Variants in RAMP1 observed in about 807,000 individuals in gnomAD.
RAMP1 encodes receptor activity modifying protein 1, also known as receptor activity-modifying protein 1.
A neutral mutation model predicts 8.2 loss-of-function variants in RAMP1; 7 were observed. The ratio of observed to expected loss-of-function variants is 0.85; its 90% confidence interval spans 0.49 to 1.60. The LOEUF is 1.60. Among genes scored for constraint, RAMP1 ranks in the 40% most tolerant of loss-of-function variants. RAMP1 has a pLI of 0.00. For synonymous variants in RAMP1, 92 were observed against 84.7 expected, an observed-to-expected ratio of 1.09 and a Z score of -0.47; for missense variants, 192 against 202.4, an observed-to-expected ratio of 0.95 and a Z score of 0.31.
At chr2:237,875,909 G>T (rs1398729495) in intron 1 of RAMP1, among the ~76,000 whole-genome samples, 2 of 151,950 alleles carry the variant, frequency 1.3e-5, no homozygotes, top group Non-Finnish European at 2.9e-5. Context: ...GCCATTCCCT[G>T]TACTTCCTGC....
At chr2:237,906,528 TTAAATA>T (rs1328002255) in intron 2 of RAMP1, among the ~76,000 whole-genome samples, 7 of 152,144 alleles carry the variant, frequency 4.6e-5, no homozygotes, top group Non-Finnish European at 1.0e-4. Context: ...ACTTTCTAGA[TTAAATA>T]TAAGGAAAAG....
chr2:237,896,426 A>G (rs1296700556), intron 2 of RAMP1, among the ~76,000 whole-genome samples: 1 of 152,164 alleles, frequency 6.6e-6, no homozygotes, highest in Non-Finnish European at 1.5e-5. Context: ...CCACCATAGC[A>G]GGAGAAGGGG....
intron 2 of RAMP1, among the ~76,000 whole-genome samples, chr2:237,886,944 C>T (rs1052486066): frequency 6.6e-6 from 1 of 152,190 alleles, no homozygotes; most frequent in Non-Finnish European, 1.5e-5. Context: ...TGTGGACACT[C>T]GACTACAGCA....
At chr2:237,874,279 C>A (rs1289922089) in intron 1 of RAMP1, among the ~76,000 whole-genome samples, 1 of 152,238 alleles carries the variant, frequency 6.6e-6, no homozygotes, top group Admixed American at 6.5e-5. Flanking sequence ...GGGAGGGCCA[C>A]CCTGTGGCCT....
chr2:237,903,065 C>T (rs958399993), intron 2 of RAMP1, among the ~76,000 whole-genome samples: 5 of 152,154 alleles, frequency 3.3e-5, no homozygotes, highest in Admixed American at 2.6e-4. Flanking sequence ...CACTAGGTTG[C>T]CCAGGCTGGT....
intron 2 of RAMP1, among the ~76,000 whole-genome samples, chr2:237,889,485 T>C (rs2062468024): frequency 1.3e-5 from 2 of 152,252 alleles, no homozygotes; most frequent in African/African-American, 2.4e-5. Context: ...CTATGTGCAT[T>C]AGAGTCTATT....
intron 2 of RAMP1, among the ~76,000 whole-genome samples, chr2:237,907,046 T>C (rs1482241424): frequency 1.3e-5 from 2 of 152,154 alleles, no homozygotes; most frequent in African/African-American, 4.8e-5. Context: ...CAAAAGGTAT[T>C]TTTTTCTAGG....
At chr2:237,864,201 G>C (rs1033564471) in intron 1 of RAMP1, among the ~76,000 whole-genome samples, 1 of 152,164 alleles carries the variant, frequency 6.6e-6, no homozygotes, top group Admixed American at 6.5e-5. Context: ...GCTTGCCCAG[G>C]AAGCCCTGCC....
At chr2:237,910,029 C>T (rs982062870) in intron 2 of RAMP1, among the ~76,000 whole-genome samples, 2 of 152,156 alleles carry the variant, frequency 1.3e-5, no homozygotes, top group Non-Finnish European at 2.9e-5. Context: ...CCTCCACTCC[C>T]TTCCTTCTAG....
chr2:237,861,194 A>G (rs2062129940), intron 1 of RAMP1, among the ~76,000 whole-genome samples: 2 of 152,220 alleles, frequency 1.3e-5, no homozygotes, highest in African/African-American at 4.8e-5. Flanking sequence ...TCACGATCAC[A>G]TATAAAGACC....
chr2:237,894,593 A>T (rs1396170053), intron 2 of RAMP1, among the ~76,000 whole-genome samples: 1 of 152,190 alleles, frequency 6.6e-6, no homozygotes, highest in Admixed American at 6.5e-5. Flanking sequence ...GGACCTGGCT[A>T]GGGGGTGAGA....
At chr2:237,885,804 G>T (rs570398890) in intron 2 of RAMP1, among the ~76,000 whole-genome samples, 1 of 152,114 alleles carries the variant, frequency 6.6e-6, no homozygotes, top group African/African-American at 2.4e-5. Context: ...CCCACCCTCT[G>T]CCCCCCCTGG....
intron 1 of RAMP1, among the ~76,000 whole-genome samples, chr2:237,867,251 A>T (rs2062196749): frequency 1.3e-5 from 2 of 151,984 alleles, no homozygotes; most frequent in Non-Finnish European, 2.9e-5. Flanking sequence ...ACCCACAGAA[A>T]ATATATATAC....
intron 2 of RAMP1, among the ~76,000 whole-genome samples, chr2:237,884,922 G>A (rs1035456842): frequency 2.0e-5 from 3 of 152,222 alleles, no homozygotes; most frequent in African/African-American, 7.2e-5. Context: ...AGGCCCCAGG[G>A]AGTGGGGCTG....
chr2:237,868,195 C>T (rs983732670), intron 1 of RAMP1, among the ~76,000 whole-genome samples: 11 of 152,082 alleles, frequency 7.2e-5, no homozygotes, highest in African/African-American at 2.7e-4. Context: ...TGGTGCCTGC[C>T]ACCATGTCCA....
At chr2:237,888,012 CA>C (rs143254303) in intron 2 of RAMP1, among the ~76,000 whole-genome samples, 9,142 of 151,940 alleles carry the variant, frequency 0.06, 916 homozygotes, top group African/African-American at 0.21. Context: ...ATAATTCATG[CA>C]AGTAGGCTTA....
At chr2:237,882,031 C>T (rs1380292851) in intron 2 of RAMP1, among the ~76,000 whole-genome samples, 1 of 152,194 alleles carries the variant, frequency 6.6e-6, no homozygotes, top group Non-Finnish European at 1.5e-5. Context: ...CCATCGAAAT[C>T]CTTGGCCCAT....
intron 2 of RAMP1, among the ~76,000 whole-genome samples, chr2:237,908,839 T>C (rs898632521): frequency 2.0e-5 from 3 of 152,234 alleles, no homozygotes; most frequent in South Asian, 4.1e-4. Flanking sequence ...AGCCATGGTG[T>C]GTCTTTGTCT....
At chr2:237,891,211 C>T (rs2062485034) in intron 2 of RAMP1, among the ~76,000 whole-genome samples, 1 of 138,128 alleles carries the variant, frequency 7.2e-6, no homozygotes, top group Admixed American at 7.5e-5. Context: ...GGTGCAGTGG[C>T]ATGGTCTCGG....
Sources: allele counts gnomAD v4.1 joint callset (sites outside exome capture counted in the v4.1 genomes callset), GRCh38; gene constraint gnomAD v4.1.1; transcripts MANE v1.5; gene names NCBI Gene and HGNC (gene_info 2026-07-23, HGNC 2026-07-21).